Variants in RBPJ observed in about 807,000 individuals in gnomAD.
RBPJ encodes recombining binding protein suppressor of hairless.
Under a neutral mutation model 67.8 loss-of-function variants are expected in RBPJ, and 9 were observed. The observed-to-expected ratio is 0.13, with a 90% confidence interval of 0.08 to 0.23. The LOEUF is 0.23. Ranked by LOEUF, RBPJ falls within the 10% of genes least tolerant of loss-of-function variation. RBPJ has a pLI of 1.00. For synonymous variants in RBPJ, 198 were observed against 203.3 expected (o/e 0.97, Z 0.22); for missense variants, 305 against 595.6 (o/e 0.51, Z 5.08).
intron 1 of RBPJ, among the ~76,000 whole-genome samples, chr4:26,218,261 G>T (rs1308348709): frequency 2.0e-5 from 3 of 152,162 alleles, no homozygotes; most frequent in Non-Finnish European, 2.9e-5. Context: ...TGTTGTTGAT[G>T]GGGAAATAAT....
intron 1 of RBPJ, among the ~76,000 whole-genome samples, chr4:26,245,441 T>TCAGAC (rs1203951948): frequency 1.4e-4 from 21 of 152,192 alleles, no homozygotes; most frequent in African/African-American, 3.4e-4. Flanking sequence ...ACTCCTGACC[T>TCAGAC]TGTGGTCCAC....
chr4:26,307,316 C>T (rs1055118023), intron 1 of RBPJ, among the ~76,000 whole-genome samples: 1 of 152,214 alleles, frequency 6.6e-6, no homozygotes, highest in Non-Finnish European at 1.5e-5. Flanking sequence ...GTTAGACAGG[C>T]ATACAACCTT....
At chr4:26,269,481 C>G (rs1313774042) in intron 1 of RBPJ, among the ~76,000 whole-genome samples, 1 of 152,040 alleles carries the variant, frequency 6.6e-6, no homozygotes, top group Non-Finnish European at 1.5e-5. Flanking sequence ...GTCTCGATCT[C>G]CTGACCTCAA....
Position 26,227,786 on chromosome 4 carries a change from G to A in RBPJ, c.-167+64172G>A, listed in dbSNP as rs146062150. Among the ~76,000 whole-genome samples the A allele has an allele frequency of 5.3e-5, 8 of 152,314 alleles. No individual in the cohort carries two copies. The South Asian group carries it at 1.4e-3, about 28-fold the overall frequency. On this transcript the variant is annotated intron_variant, in intron 1 of 4. Coordinates refer to the RBPJ transcript ENST00000512351. The stretch of plus-strand genomic sequence containing the variant: ...TTGAGTCGCGGAGCGTCCGAGTGCC[G>A]CTGACACATGTCAGATGTCAGCACG...
chr4:26,199,081 C>CT (rs1717887360), intron 1 of RBPJ, among the ~76,000 whole-genome samples: 1 of 152,160 alleles, frequency 6.6e-6, no homozygotes, highest in Admixed American at 6.5e-5. Flanking sequence ...CTCCTCATTC[C>CT]TATAAAATTC....
At chr4:26,232,145 C>T (rs927554529) in intron 1 of RBPJ, among the ~76,000 whole-genome samples, 75 of 151,940 alleles carry the variant, frequency 4.9e-4, no homozygotes, top group African/African-American at 1.8e-3. Flanking sequence ...ATCCAACCTC[C>T]TCAGCCTCCC....
intron 1 of RBPJ, among the ~76,000 whole-genome samples, chr4:26,342,188 A>G (rs12505323): frequency 6.6e-6 from 1 of 151,166 alleles, no homozygotes; most frequent in Non-Finnish European, 1.5e-5. Flanking sequence ...TTTGAGAACC[A>G]CTGCTCTGTA....
chr4:26,298,492 G>T (rs551268060), intron 1 of RBPJ, among the ~76,000 whole-genome samples: 1 of 152,260 alleles, frequency 6.6e-6, no homozygotes, highest in Non-Finnish European at 1.5e-5. Context: ...CTCCACGGGG[G>T]ATCTGCACGA....
the RBPJ span, among the ~76,000 whole-genome samples, chr4:26,135,270 A>G: frequency 6.6e-6 from 1 of 152,056 alleles, no homozygotes; most frequent in East Asian, 1.9e-4. Context: ...GAACTTACCA[A>G]TGCTCATAGC....
chr4:26,407,976 G>A (rs535777722), intron 3 of RBPJ, among the ~76,000 whole-genome samples: 1 of 140,370 alleles, frequency 7.1e-6, no homozygotes, highest in African/African-American at 2.7e-5. Flanking sequence ...CTGGGCTCAG[G>A]TGGTCCTCCC....
the RBPJ span, among the ~76,000 whole-genome samples, chr4:26,142,235 T>C: frequency 6.6e-6 from 1 of 151,360 alleles, no homozygotes; most frequent in African/African-American, 2.5e-5. Flanking sequence ...GGCAGCTGGC[T>C]GATGTAACAG....
intron 1 of RBPJ, among the ~76,000 whole-genome samples, chr4:26,215,320 AG>A (rs1718666910): frequency 1.1e-5 from 1 of 87,098 alleles, no homozygotes; most frequent in Admixed American, 1.3e-4. Context: ...AGAGAAAGAA[AG>A]AAAGAAAAAG....
In RBPJ at chr4:26,244,266, T is replaced by TAC. The variant is rs1719777841; in HGVS notation, c.-167+80656_-167+80657dup. Among the ~76,000 whole-genome samples the TAC allele has an allele frequency of 2.0e-5, 3 of 147,002 alleles. 1 individual carries two copies. Among genetic ancestry groups the TAC allele is most frequent in the Non-Finnish European group, 4.5e-5 (3 of 66,858 alleles). On this transcript the variant is annotated intron_variant, in intron 1 of 4. Coordinates refer to the RBPJ transcript ENST00000512351. Reference sequence around the variant, plus strand: ...ATATGTGTACACATACACATATGTGTACACATATATGTGTGTATATGTATA... The same window carrying TAC: ...ATATGTGTACACATACACATATGTGTACACACATATATGTGTGTATATGTATA...
At chr4:26,106,561 G>C in the RBPJ span, among the ~76,000 whole-genome samples, 1 of 152,104 alleles carries the variant, frequency 6.6e-6, no homozygotes, top group Admixed American at 6.5e-5. Flanking sequence ...TGGCTCGGAT[G>C]GGGTATTTCT....
At chr4:26,374,230 A>C (rs929124308) in intron 1 of RBPJ, among the ~76,000 whole-genome samples, 2 of 151,922 alleles carry the variant, frequency 1.3e-5, no homozygotes, top group African/African-American at 4.8e-5. Context: ...GTGAGCCACC[A>C]TGCTCTGCCA....
chr4:26,227,137 T>C (rs1163564653), intron 1 of RBPJ, among the ~76,000 whole-genome samples: 1 of 152,238 alleles, frequency 6.6e-6, no homozygotes, highest in Non-Finnish European at 1.5e-5. Context: ...GTCTGAGGGT[T>C]GGATCCAGCA....
intron 1 of RBPJ, among the ~76,000 whole-genome samples, chr4:26,375,535 A>T (rs956825171): frequency 6.6e-6 from 1 of 152,216 alleles, no homozygotes; most frequent in Non-Finnish European, 1.5e-5. Flanking sequence ...ACAGTTAATT[A>T]TTACCATTCT....
intron 3 of RBPJ, among the ~76,000 whole-genome samples, chr4:26,414,696 G>A (rs1017874390): frequency 6.6e-6 from 1 of 152,152 alleles, no homozygotes; most frequent in South Asian, 2.1e-4. Context: ...CTTTGCAATA[G>A]ATAATATTTT....
chr4:26,205,985 T>C (rs1301552944), intron 1 of RBPJ, among the ~76,000 whole-genome samples: 3 of 124,332 alleles, frequency 2.4e-5, no homozygotes, highest in African/African-American at 6.3e-5. Context: ...TGAGTAAATA[T>C]GATATATGCG....
Sources: gnomAD v4.1 joint callset for allele counts (sites outside exome capture counted in the v4.1 genomes callset) on GRCh38, gnomAD v4.1.1 for gene constraint, MANE v1.5 for transcripts, NCBI Gene and HGNC (gene_info 2026-07-23, HGNC 2026-07-21) for gene names.